Variants in PLCXD1 observed in about 807,000 individuals in gnomAD.
PLCXD1 encodes the protein phosphatidylinositol specific phospholipase C X domain containing 1.
A neutral mutation model predicts 37.8 loss-of-function variants in PLCXD1; 45 were observed. That is an observed-to-expected ratio of 1.19 (90% confidence interval 0.94 to 1.53). The LOEUF (loss-of-function observed/expected upper bound fraction) is 1.53, where lower values mean the gene tolerates loss of function less well. Among genes scored for constraint, PLCXD1 ranks in the 40% most tolerant of loss-of-function variants. The pLI is 0.00. For missense variants in PLCXD1, 539 were observed against 454.7 expected (o/e 1.19, Z -1.69); for synonymous variants, 246 against 206.9 (o/e 1.19, Z -1.62).
intron 2 of PLCXD1, among the ~76,000 whole-genome samples, chrX:287,728 CATATATATCTTAAAT>C (rs199998889): frequency 0.011 from 1,660 of 144,438 alleles, 41 homozygotes; most frequent in African/African-American, 0.039. Context: ...AGATATATGT[CATATATATCTTAAAT>C]ATATATATCT....
At chrX:291,199 G>C (rs956615538) in intron 4 of PLCXD1, among the ~76,000 whole-genome samples, 1 of 150,852 alleles carries the variant, frequency 6.6e-6, no homozygotes, top group African/African-American at 2.4e-5. Context: ...AGGCTGGAGT[G>C]CAGTGGTGCA....
chrX:286,356 C>T (rs1173050912), intron 2 of PLCXD1, among the ~76,000 whole-genome samples: 2 of 152,116 alleles, frequency 1.3e-5, no homozygotes, highest in Non-Finnish European at 1.5e-5. Flanking sequence ...TGAGCTATTG[C>T]ACCCGACATC....
chrX:289,820 C>G (rs1000317355), intron 3 of PLCXD1, among the ~76,000 whole-genome samples: 8 of 152,130 alleles, frequency 5.3e-5, no homozygotes, highest in Middle Eastern at 6.8e-3. Flanking sequence ...CGAGACAACC[C>G]CTTTCATGCC....
At chrX:279,798 AAG>A (rs1387857110), upstream of PLCXD1, among the ~76,000 whole-genome samples, 2 of 151,846 alleles carry the variant, frequency 1.3e-5, no homozygotes, top group African/African-American at 4.9e-5. Context: ...AGAAGAAAAA[AAG>A]AGTTATTAGT....
At chrX:287,828 C>T (rs1415062696) in intron 2 of PLCXD1, among the ~76,000 whole-genome samples, 2 of 151,486 alleles carry the variant, frequency 1.3e-5, no homozygotes, top group African/African-American at 4.9e-5. Flanking sequence ...CAAACGTCAG[C>T]CATCAGTCAA....
chrX:287,467 A>G (rs1016244512), intron 2 of PLCXD1, among the ~76,000 whole-genome samples: 9 of 127,582 alleles, frequency 7.1e-5, no homozygotes, highest in Non-Finnish European at 4.8e-5. Context: ...TATATAGAAT[A>G]TATACTATAT....
At chrX:282,251 G>A (rs375125628) in intron 1 of PLCXD1, among the ~76,000 whole-genome samples, 3 of 152,022 alleles carry the variant, frequency 2.0e-5, no homozygotes, top group South Asian at 2.1e-4. Context: ...GCGTGGTGGC[G>A]GACGCCTGTA....
At chrX:291,093 A>C (rs2069619660) in intron 4 of PLCXD1, among the ~76,000 whole-genome samples, 1 of 151,656 alleles carries the variant, frequency 6.6e-6, no homozygotes, top group African/African-American at 2.4e-5. Context: ...CGTCACCTAT[A>C]CACCAGACAG....
rs2069634062 is a variant in PLCXD1 at position 291,524 on chromosome X, G to C, written c.419G>C (p.Trp140Ser). The change falls in exon 5 of 7, where the codon TGG becomes TCG. Residue 140 changes from tryptophan to serine, a missense_variant. By Grantham distance (177) the Trp-to-Ser change is radical. Transcript: ENST00000381657. The stretch of plus-strand genomic sequence containing the variant: ...GACACACTCACGGAAATCTCGGAGT[G>C]GCTGGAGCGGCATCCACGCGAGGTG... ...VEDTLTEISE[W>S]LERHPREVVI... The C allele has an allele frequency of 1.2e-6, 2 of 1,612,588 alleles. No homozygotes were observed. The highest frequency in any genetic ancestry group is 1.7e-5 in the Admixed American group (1 of 59,992).
chrX:290,262 C>T (rs2069585890), intron 3 of PLCXD1, among the ~76,000 whole-genome samples: 1 of 152,058 alleles, frequency 6.6e-6, no homozygotes, highest in African/African-American at 2.4e-5. Flanking sequence ...CACATCTCTA[C>T]TAAAAATACA....
upstream of PLCXD1, among the ~76,000 whole-genome samples, chrX:277,173 T>C (rs950006539): frequency 6.8e-6 from 1 of 146,348 alleles, no homozygotes; most frequent in Non-Finnish European, 1.5e-5. Flanking sequence ...CACTTTGTCA[T>C]GTGTGGGGAA....
At chrX:289,378 C>T (rs1310906749) in intron 3 of PLCXD1, among the ~76,000 whole-genome samples, 3 of 152,014 alleles carry the variant, frequency 2.0e-5, no homozygotes, top group South Asian at 2.1e-4. Context: ...TGAGCCACCG[C>T]GCCCGGCCCA....
At chrX:288,595 G>C (rs1254760045) in intron 2 of PLCXD1, 138 bp from the exon 3 acceptor site, 1 of 895,200 alleles carries the variant, frequency 1.1e-6, no homozygotes, top group Admixed American at 1.8e-5. Context: ...GGGGGTCAGC[G>C]TGCACCCCTC....
Position 282,986 on chromosome X carries a change from ATATTATATGTATATATT to A in PLCXD1, c.-21-1180_-21-1164del, listed in dbSNP as rs2069322317. Among the ~76,000 whole-genome samples, 9 of 146,366 alleles carry A rather than the reference ATATTATATGTATATATT, an allele frequency of 6.1e-5. 1 individual carries two copies. In the South Asian group the frequency reaches 1.5e-3, roughly 24 times the overall value. On this transcript the variant is annotated intron_variant, in intron 1 of 6. Transcript: ENST00000381657. The stretch of plus-strand genomic sequence containing the variant: ...TATGTATATATTATATGTATAATAT[ATATTATATGTATATATT>A]ATATATGTTATATATATGTTATGTA...
Position 293,157 on chromosome X carries a change from C to T in PLCXD1, c.672C>T (p.Asn224=), listed in dbSNP as rs1283320414. ...LWPGVPYWWG[N]RVKTEALIRY... The stretch of plus-strand genomic sequence containing the variant: ...CAGGAGTCCCCTACTGGTGGGGAAA[C>T]AGGGTGAAGACCGAGGCCCTCATCC... The change falls in exon 6 of 7, where the codon AAC becomes AAT. Residue 224 remains asparagine, a synonymous_variant. Transcript: ENST00000381657. The T allele has an allele frequency of 4.3e-6, 7 of 1,612,866 alleles. No individual in the cohort carries two copies. The highest frequency in any genetic ancestry group is 3.3e-5 in the Admixed American group (2 of 60,014).
At chrX:291,067 T>C (rs981763789) in intron 4 of PLCXD1, among the ~76,000 whole-genome samples, 7 of 151,970 alleles carry the variant, frequency 4.6e-5, no homozygotes, top group African/African-American at 1.7e-4. Context: ...ACGCCCGGTC[T>C]TTAATGGAAG....
intron 6 of PLCXD1, among the ~76,000 whole-genome samples, chrX:296,852 T>A (rs1393723011): frequency 2.7e-5 from 4 of 149,860 alleles, no homozygotes; most frequent in African/African-American, 9.9e-5. Context: ...GATTAGGACG[T>A]GGACATCTTT....
At chrX:278,593 C>T (rs187273293), upstream of PLCXD1, among the ~76,000 whole-genome samples, 5 of 151,882 alleles carry the variant, frequency 3.3e-5, no homozygotes, top group East Asian at 1.9e-4. Flanking sequence ...ACAGAAATTA[C>T]CTGGGTGTGG....
At chrX:285,766 G>A (rs1175223935) in intron 2 of PLCXD1, among the ~76,000 whole-genome samples, 1 of 152,138 alleles carries the variant, frequency 6.6e-6, no homozygotes, top group East Asian at 1.9e-4. Flanking sequence ...CATGCACACA[G>A]ATACGTATTG....
Sources: gnomAD v4.1 joint callset for allele counts (sites outside exome capture counted in the v4.1 genomes callset) on GRCh38, gnomAD v4.1.1 for gene constraint, MANE v1.5 for transcripts, NCBI Gene and HGNC (gene_info 2026-07-23, HGNC 2026-07-21) for gene names.